SNTG1: variants seen among roughly 807,000 people sequenced by gnomAD.
SNTG1 encodes syntrophin gamma 1.
A neutral mutation model predicts 74.7 loss-of-function variants in SNTG1; 39 were observed. The ratio of observed to expected loss-of-function variants is 0.52; its 90% CI spans 0.40 to 0.68. The LOEUF is 0.68. Ranked by LOEUF, SNTG1 falls within the 30% of genes least tolerant of loss-of-function variation. The pLI, the probability that SNTG1 is intolerant of heterozygous loss-of-function variation, is 0.00. For missense variants in SNTG1, 685 were observed against 609.5 expected, an observed-to-expected ratio of 1.12 and a Z score of -1.30; for synonymous variants, 254 against 217.1, an observed-to-expected ratio of 1.17 and a Z score of -1.49.
At chr8:50,705,256 C>A in intron 16 of SNTG1, among the ~76,000 whole-genome samples, 1 of 152,206 alleles carries the variant, frequency 6.6e-6, no homozygotes, top group Non-Finnish European at 1.5e-5. Flanking sequence ...TGCCAATACT[C>A]CTTCTACAAC....
intron 8 of SNTG1, among the ~76,000 whole-genome samples, chr8:50,493,193 C>A (rs992149917): frequency 6.6e-6 from 1 of 152,118 alleles, no homozygotes; most frequent in Non-Finnish European, 1.5e-5. Flanking sequence ...ACAACCAATT[C>A]CAACTTTGTT....
chr8:50,433,085 A>T (rs2093258516), intron 4 of SNTG1, among the ~76,000 whole-genome samples: 2 of 152,150 alleles, frequency 1.3e-5, no homozygotes, highest in Non-Finnish European at 2.9e-5. Context: ...CCACTGCGCC[A>T]GGCCACAAAA....
rs193182815 is a variant in SNTG1, at chr8:50,233,000, A to G, written c.-28+60365A>G. Among the ~76,000 whole-genome samples, 328 of 151,768 alleles carry G rather than the reference A, an allele frequency of 2.2e-3. 3 individuals carry two copies. Among genetic ancestry groups the G allele is most frequent in the East Asian group, 5.8e-4 (3 of 5,174 alleles). ...GAAGATGTCATTGTCAAATTGATAC[A>G]TAAGTTTAATGAAATTCCTGCCAAA... On this transcript the variant is annotated intron_variant, in intron 2 of 18. Coordinates refer to ENST00000642720, the MANE Select transcript of SNTG1 (RefSeq NM_018967.5).
At chr8:49,933,731 A>G (rs1807799940) in intron 1 of SNTG1, among the ~76,000 whole-genome samples, 1 of 152,204 alleles carries the variant, frequency 6.6e-6, no homozygotes, top group Non-Finnish European at 1.5e-5. Flanking sequence ...TCCAAATATT[A>G]CACAATTTTA....
At position 49,911,856 on chromosome 8, in the gene SNTG1, CGCCTCCCG is replaced by C. The variant is rs1001339179; in HGVS notation, c.-474_-467del. 1.3e-5 allele frequency: 2 copies of C among 152,384 alleles called. No individual in the cohort carries two copies. Among genetic ancestry groups the C allele is most frequent in the Non-Finnish European group, 2.9e-5 (2 of 68,114 alleles). The allele number at this position is 152,384 out of a possible 1,614,324, so 9.4% of individuals were successfully genotyped here. On this transcript the variant is annotated 5_prime_UTR_variant, in exon 1 of 19. Coordinates refer to ENST00000642720, the MANE Select transcript of SNTG1 (RefSeq NM_018967.5). ...AAGGCGGTGCCTCCTATTACCCCCT[CGCCTCCCG>C]GCCCCCTTCCTTAATGGATGAAAAG...
chr8:50,044,563 T>C (rs891792197), intron 1 of SNTG1, among the ~76,000 whole-genome samples: 2 of 152,198 alleles, frequency 1.3e-5, no homozygotes, highest in African/African-American at 4.8e-5. Context: ...TTTGTGTCCT[T>C]ACTTCAGGAG....
At chr8:50,547,662 T>C (rs1585644928) in intron 11 of SNTG1, among the ~76,000 whole-genome samples, 1 of 152,218 alleles carries the variant, frequency 6.6e-6, no homozygotes, top group East Asian at 1.9e-4. Flanking sequence ...TGAATATCTC[T>C]GGAAAACTGA....
At chr8:50,635,150 CA>C (rs1349182697) in intron 13 of SNTG1, among the ~76,000 whole-genome samples, 3 of 152,138 alleles carry the variant, frequency 2.0e-5, no homozygotes, top group Non-Finnish European at 4.4e-5. Flanking sequence ...ATGTCATCAT[CA>C]AAAGCATATA....
chr8:50,134,609 T>A (rs1355234848), intron 1 of SNTG1, among the ~76,000 whole-genome samples: 2 of 152,166 alleles, frequency 1.3e-5, no homozygotes, highest in East Asian at 3.9e-4. Context: ...CAGGGAAAGA[T>A]AGAATAGTAA....
chr8:50,270,135 G>T (rs975940502), intron 2 of SNTG1, among the ~76,000 whole-genome samples: 14 of 152,068 alleles, frequency 9.2e-5, no homozygotes, highest in Non-Finnish European at 1.8e-4. Flanking sequence ...AATACAATCA[G>T]CCTATTTCTT....
intron 1 of SNTG1, among the ~76,000 whole-genome samples, chr8:49,949,511 C>T (rs1809511321): frequency 6.6e-6 from 1 of 152,084 alleles, no homozygotes; most frequent in South Asian, 2.1e-4. Context: ...TGCATAAATC[C>T]ATGTGAAATT....
chr8:50,710,483 G>C (rs2095458549), intron 17 of SNTG1, among the ~76,000 whole-genome samples: 1 of 152,004 alleles, frequency 6.6e-6, no homozygotes, highest in Non-Finnish European at 1.5e-5. Flanking sequence ...AACTAGAAAA[G>C]TCAAAGTCTG....
intron 1 of SNTG1, among the ~76,000 whole-genome samples, chr8:50,061,411 T>A (rs1820461982): frequency 1.3e-5 from 2 of 152,254 alleles, no homozygotes; most frequent in Admixed American, 1.3e-4. Context: ...TCTTCTAATT[T>A]TTTTGTCATT....
intron 1 of SNTG1, among the ~76,000 whole-genome samples, chr8:50,060,950 T>C (rs1046982321): frequency 1.3e-5 from 2 of 152,106 alleles, no homozygotes; most frequent in African/African-American, 4.8e-5. Flanking sequence ...TTGGATTCAG[T>C]TGGCTAATAT....
At chr8:50,607,173 T>G (rs2130963086) in intron 13 of SNTG1, among the ~76,000 whole-genome samples, 1 of 152,032 alleles carries the variant, frequency 6.6e-6, no homozygotes, top group East Asian at 1.9e-4. Context: ...TTATTTAATT[T>G]TCATATATTT....
intron 12 of SNTG1, among the ~76,000 whole-genome samples, chr8:50,562,530 C>A (rs2094494450): frequency 1.3e-5 from 2 of 152,258 alleles, no homozygotes; most frequent in Non-Finnish European, 2.9e-5. Context: ...CACAGCCCTG[C>A]CAACACCTCA....
At chr8:50,325,704 C>A (rs999234325) in intron 2 of SNTG1, among the ~76,000 whole-genome samples, 4 of 152,068 alleles carry the variant, frequency 2.6e-5, no homozygotes, top group Admixed American at 1.3e-4. Context: ...ACAAAACATT[C>A]TTCAAATCAG....
At chr8:50,750,309 T>C (rs754659999) in intron 17 of SNTG1, among the ~76,000 whole-genome samples, 2 of 152,042 alleles carry the variant, frequency 1.3e-5, no homozygotes, top group Admixed American at 6.6e-5. Context: ...TTTCTTCTTA[T>C]GGAGGAGCAA....
At chr8:50,318,211 C>T (rs753212497) in intron 2 of SNTG1, among the ~76,000 whole-genome samples, 1 of 152,078 alleles carries the variant, frequency 6.6e-6, no homozygotes, top group Non-Finnish European at 1.5e-5. Flanking sequence ...TCTCATGTCA[C>T]TTTTGCTAGT....
Sources: gnomAD v4.1 joint callset for allele counts (sites outside exome capture counted in the v4.1 genomes callset) on GRCh38, gnomAD v4.1.1 for gene constraint, MANE v1.5 for transcripts, NCBI Gene and HGNC (gene_info 2026-07-23, HGNC 2026-07-21) for gene names.